The following LIMS1 variants were observed in gnomAD, a reference collection of about 807,000 sequenced individuals.
The protein encoded by LIMS1 is LIM zinc finger domain containing 1, also known as LIM and senescent cell antigen-like-containing domain protein 1.
A neutral mutation model predicts 44.1 loss-of-function variants in LIMS1; 18 were observed. The observed-to-expected ratio is 0.41, with a 90% CI of 0.28 to 0.61. The LOEUF is 0.61. Among genes scored for constraint, LIMS1 ranks in the 20% least tolerant of loss-of-function variants. The probability of loss-of-function intolerance (pLI) is 0.32; values close to 1 mark genes in which losing one functional copy is unlikely to be tolerated. For missense variants in LIMS1, 201 were observed against 422.0 expected, an observed-to-expected ratio of 0.48 and a Z score of 4.59; for synonymous variants, 93 against 149.1, an observed-to-expected ratio of 0.62 and a Z score of 2.74.
At chr2:108,619,223 T>C (rs559908185) in intron 1 of LIMS1, among the ~76,000 whole-genome samples, 2 of 152,222 alleles carry the variant, frequency 1.3e-5, no homozygotes, top group Non-Finnish European at 1.5e-5. Context: ...TTACATTTCC[T>C]ATGGAGACAG....
intron 1 of LIMS1, among the ~76,000 whole-genome samples, chr2:108,600,039 TTTG>T (rs746593158): frequency 5.9e-4 from 89 of 150,668 alleles, no homozygotes; most frequent in Non-Finnish European, 7.8e-4. Flanking sequence ...ATTTGTTGTT[TTTG>T]TTGTTGTTGT....
chr2:108,575,756 A>G (rs560837449), intron 1 of LIMS1, among the ~76,000 whole-genome samples: 1 of 152,284 alleles, frequency 6.6e-6, no homozygotes, highest in East Asian at 1.9e-4. Context: ...CTATTGCAGA[A>G]ATCAATCCTG....
chr2:108,617,564 C>T (rs1439172315), intron 1 of LIMS1, among the ~76,000 whole-genome samples: 8 of 152,168 alleles, frequency 5.3e-5, no homozygotes, highest in Non-Finnish European at 1.0e-4. Context: ...ATTAGGCTCT[C>T]AAAATTAATT....
Position 108,563,235 on chromosome 2 carries a change from G to A in LIMS1, c.32+28641G>A, listed in dbSNP as rs113072324. On this transcript the variant is annotated intron_variant, in intron 1 of 9. Transcript: ENST00000544547. ...ATTAACACAGCATCCATTCTGCAGCGCAGGGATCAAGGAGTAACTTCATTC... is the reference window on the plus strand; with the variant it reads ...ATTAACACAGCATCCATTCTGCAGCACAGGGATCAAGGAGTAACTTCATTC... Among the ~76,000 whole-genome samples the A allele has an allele frequency of 6.1e-4, 93 of 152,328 alleles. 1 individual carries two copies. The highest frequency in any genetic ancestry group is 5.6e-3 in the South Asian group (27 of 4,820).
intron 1 of LIMS1, among the ~76,000 whole-genome samples, chr2:108,592,684 T>C (rs559762315): frequency 6.6e-6 from 1 of 152,354 alleles, no homozygotes; most frequent in East Asian, 1.9e-4. Context: ...AGCCTATTTA[T>C]CCTTGAAATA....
intron 1 of LIMS1, among the ~76,000 whole-genome samples, chr2:108,611,611 A>G (rs1013673307): frequency 6.6e-6 from 1 of 152,022 alleles, no homozygotes; most frequent in Non-Finnish European, 1.5e-5. Context: ...TGGGTGCAGT[A>G]GCTCACGCCT....
chr2:108,652,226 A>G (rs1411389894), intron 1 of LIMS1, among the ~76,000 whole-genome samples: 1 of 152,242 alleles, frequency 6.6e-6, no homozygotes, highest in Non-Finnish European at 1.5e-5. Flanking sequence ...CAGAGAAATA[A>G]AAATATATTC....
At chr2:108,603,712 C>G (rs1006287831) in intron 1 of LIMS1, among the ~76,000 whole-genome samples, 12 of 151,860 alleles carry the variant, frequency 7.9e-5, no homozygotes, top group Admixed American at 4.6e-4. Context: ...TTTGGCCTCC[C>G]AAAGTACTGT....
chr2:108,642,947 C>G (rs776203807), intron 1 of LIMS1, among the ~76,000 whole-genome samples: 16 of 152,150 alleles, frequency 1.1e-4, no homozygotes, highest in Admixed American at 2.0e-4. Context: ...GGGCCCTTAA[C>G]CAAGCTATTG....
At chr2:108,612,436 A>G (rs746702954) in intron 1 of LIMS1, among the ~76,000 whole-genome samples, 12 of 150,182 alleles carry the variant, frequency 8.0e-5, no homozygotes, top group Middle Eastern at 3.5e-3. Context: ...GTTTCAGCGT[A>G]GTTGCTATGA....
chr2:108,646,072 A>G (rs1204575093), intron 1 of LIMS1, among the ~76,000 whole-genome samples: 3 of 152,206 alleles, frequency 2.0e-5, no homozygotes, highest in African/African-American at 7.2e-5. Flanking sequence ...CCCCACTGTC[A>G]ATATTAGATC....
At chr2:108,630,999 G>T (rs1033012395) in intron 1 of LIMS1, among the ~76,000 whole-genome samples, 2 of 152,202 alleles carry the variant, frequency 1.3e-5, no homozygotes, top group African/African-American at 2.4e-5. Flanking sequence ...TTACATCTGT[G>T]GAGCAGGGAT....
chr2:108,682,396 AG>A (rs762142176), intron 9 of LIMS1, among the ~76,000 whole-genome samples: 4 of 152,168 alleles, frequency 2.6e-5, no homozygotes, highest in Non-Finnish European at 5.9e-5. Context: ...GATACTCGCG[AG>A]GCTGAGACAG....
At chr2:108,635,940 T>C (rs1689218672) in intron 1 of LIMS1, among the ~76,000 whole-genome samples, 1 of 152,156 alleles carries the variant, frequency 6.6e-6, no homozygotes, top group Admixed American at 6.5e-5. Flanking sequence ...AGTCCTCACA[T>C]AGGCTGCCTC....
At chr2:108,662,855 TC>T (rs1309124522) in intron 2 of LIMS1, 1 of 666,980 alleles carries the variant, frequency 1.5e-6, no homozygotes, top group Non-Finnish European at 1.9e-6. Flanking sequence ...TTCCCTGATT[TC>T]CACAGCCTCT....
chr2:108,604,020 GTATGT>G (rs1687147143), intron 1 of LIMS1, among the ~76,000 whole-genome samples: 2 of 151,934 alleles, frequency 1.3e-5, no homozygotes, highest in Non-Finnish European at 2.9e-5. Context: ...ATAGGTTTTA[GTATGT>G]TATGTTTCCA....
chr2:108,680,561 AAAAG>A (rs59337195), intron 8 of LIMS1, 130 bp from the exon 9 acceptor site: 242,331 of 942,414 alleles, frequency 0.26, 22,301 homozygotes, highest in East Asian at 0.58. Flanking sequence ...AAAAAAAAAA[AAAAG>A]GTTCTTGAGA....
intron 1 of LIMS1, among the ~76,000 whole-genome samples, chr2:108,627,438 A>T (rs1488721293): frequency 1.5e-5 from 2 of 135,334 alleles, no homozygotes; most frequent in Non-Finnish European, 3.1e-5. Flanking sequence ...TATAGGAGAC[A>T]TTTAGGAACG....
intron 1 of LIMS1, among the ~76,000 whole-genome samples, chr2:108,571,692 T>C (rs1181749376): frequency 6.6e-6 from 1 of 152,194 alleles, no homozygotes; most frequent in Non-Finnish European, 1.5e-5. Context: ...GGAATGAGTG[T>C]TTTAGACAGT....
Sources: allele counts gnomAD v4.1 joint callset (sites outside exome capture counted in the v4.1 genomes callset), GRCh38; gene constraint gnomAD v4.1.1; transcripts MANE v1.5; gene names NCBI Gene and HGNC (gene_info 2026-07-23, HGNC 2026-07-21).